The following PCLO variants were observed in gnomAD, a reference collection of about 807,000 sequenced individuals.
PCLO encodes piccolo presynaptic cytomatrix protein.
A neutral mutation model predicts 427.5 loss-of-function variants in PCLO; 82 were observed. The ratio of observed to expected loss-of-function variants is 0.19; its 90% CI spans 0.16 to 0.23. The LOEUF is 0.23. PCLO is among the 10% of genes least tolerant of loss of function. The pLI is 1.00. For synonymous variants in PCLO, 2,357 were observed against 2,155.4 expected, an observed-to-expected ratio of 1.09 and a Z score of -2.59; for missense variants, 6,239 against 6,115.9, an observed-to-expected ratio of 1.02 and a Z score of -0.67.
At chr7:82,824,532 T>A (rs1791886109) in intron 18 of PCLO, 116 bp from the exon 19 acceptor site, 2 of 549,202 alleles carry the variant, frequency 3.6e-6, no homozygotes, top group Middle Eastern at 4.9e-4. Flanking sequence ...ACAGTATAAC[T>A]TTTGAGGATG....
chr7:83,017,947 A>G (rs1260350065), intron 3 of PCLO: 1 of 152,000 alleles, frequency 6.6e-6, no homozygotes, highest in Non-Finnish European at 1.5e-5. Context: ...TTGGCACCTA[A>G]GCAGGTTTGG....
intron 22 of PCLO, among the ~76,000 whole-genome samples, chr7:82,776,315 G>T (rs1022077729): frequency 6.6e-6 from 1 of 152,068 alleles, no homozygotes; most frequent in African/African-American, 2.4e-5. Flanking sequence ...AAACTGGGCC[G>T]GGCGTGGTGG....
chr7:83,024,486 G>C (rs187193196), intron 3 of PCLO, among the ~76,000 whole-genome samples: 1 of 152,110 alleles, frequency 6.6e-6, no homozygotes, highest in Admixed American at 6.5e-5. Flanking sequence ...TTGCTAGCAC[G>C]GCAGTCTGAG....
At chr7:82,822,837 T>C in intron 19 of PCLO, 148 bp from the exon 20 acceptor site, 1 of 702,996 alleles carries the variant, frequency 1.4e-6, no homozygotes, top group Admixed American at 2.5e-5. Context: ...TCATACAGAA[T>C]GATGATTAAA....
chr7:83,093,492 A>ATATATATTTTTTTTTTTTTTTTTTTTT, intron 3 of PCLO, among the ~76,000 whole-genome samples: 6 of 59,310 alleles, frequency 1.0e-4, no homozygotes, highest in Admixed American at 2.9e-4. Context: ...ATATATATAT[A>ATATATATTTTTTTTTTTTTTTTTTTTT]TTTTTTTTTT....
intron 3 of PCLO, among the ~76,000 whole-genome samples, chr7:83,125,321 C>T (rs139034455): frequency 0.016 from 2,427 of 152,158 alleles, 58 homozygotes; most frequent in African/African-American, 0.053. Flanking sequence ...GGGGCACCCC[C>T]GCCCGGCAGC....
At position 82,965,917 on chromosome 7, in the gene PCLO, G is replaced by A. The variant is rs377432658; in HGVS notation, c.3871C>T (p.Pro1291Ser). Residue 1291 changes from proline to serine, a missense_variant, in exon 4 of 25, where the codon CCA becomes TCA. Pro to Ser is a moderately conservative substitution (Grantham distance 74). This residue lies in a region of PCLO where 4,677 missense variants were observed against 4,468.4 expected (regional missense o/e 1.05). Transcript: ENST00000333891. ...GGTAAACCTTCCATCTTGGTCTGTG[G>A]TTGTTTCCCTTCTTGCACTGTCTTT... ...APKTVQEGKQ[P>S]QTKMEGLPSG... is the part of the protein sequence containing the mutation. 98 of 1,613,766 alleles carry A rather than the reference G, an allele frequency of 6.1e-5. No individual in the cohort carries two copies. The highest frequency in any genetic ancestry group is 8.1e-5 in the Non-Finnish European group (95 of 1,179,868).
intron 3 of PCLO, among the ~76,000 whole-genome samples, chr7:83,013,742 G>T (rs1004227920): frequency 6.6e-6 from 1 of 152,168 alleles, no homozygotes; most frequent in Non-Finnish European, 1.5e-5. Flanking sequence ...TGCTTTCTTA[G>T]AGTCTTCTAA....
chr7:82,866,989 T>A (rs983534373), intron 10 of PCLO, among the ~76,000 whole-genome samples: 2 of 152,172 alleles, frequency 1.3e-5, no homozygotes, highest in African/African-American at 4.8e-5. Flanking sequence ...TTGGTTCTAA[T>A]GCAAGCAGAG....
chr7:83,114,414 G>A (rs1373224730), intron 3 of PCLO, among the ~76,000 whole-genome samples: 7 of 152,086 alleles, frequency 4.6e-5, no homozygotes, highest in Admixed American at 2.6e-4. Context: ...TTTGGTGAAC[G>A]TGCAGAGGAT....
intron 3 of PCLO, among the ~76,000 whole-genome samples, chr7:83,128,863 A>G (rs376478111): frequency 1.1e-4 from 17 of 152,168 alleles, no homozygotes; most frequent in African/African-American, 4.1e-4. Context: ...GGAAAAAACA[A>G]TTGCACAATG....
Position 82,956,620 on chromosome 7 carries a change from GTTCAGGAGAAAC to G in PCLO, c.4321_4332del (p.Val1441_Glu1444del). On this transcript the variant is annotated inframe_deletion, in exon 5 of 25. Coordinates refer to ENST00000333891, the MANE Select transcript of PCLO (RefSeq NM_033026.6). ...TGAGTTTTCTCTTGGTCTTTAGGCT[GTTCAGGAGAAAC>G]TTCATGGGGTTGTGTTTTCTTTTCT... The G allele has an allele frequency of 6.2e-7, 1 of 1,613,750 alleles. No homozygotes were observed. The highest frequency in any genetic ancestry group is 8.5e-7 in the Non-Finnish European group (1 of 1,179,822).
At chr7:83,082,486 C>T (rs1009110996) in intron 3 of PCLO, among the ~76,000 whole-genome samples, 15 of 151,428 alleles carry the variant, frequency 9.9e-5, no homozygotes, top group Non-Finnish European at 2.1e-4. Flanking sequence ...TATGGTTACA[C>T]GAGGCTAGGA....
At chr7:82,856,033 G>GAGCT (rs1276386038) in intron 10 of PCLO, among the ~76,000 whole-genome samples, 1 of 152,048 alleles carries the variant, frequency 6.6e-6, no homozygotes, top group East Asian at 1.9e-4. Flanking sequence ...ACAGTTAAGG[G>GAGCT]AGCTACTCAT....
At chr7:82,824,677 G>A (rs1791890465) in intron 18 of PCLO, among the ~76,000 whole-genome samples, 1 of 150,718 alleles carries the variant, frequency 6.6e-6, no homozygotes, top group African/African-American at 2.4e-5. Flanking sequence ...ATTTGGATAT[G>A]ATGTTAAAAG....
At chr7:83,107,454 C>T (rs1473179085) in intron 3 of PCLO, among the ~76,000 whole-genome samples, 1 of 149,658 alleles carries the variant, frequency 6.7e-6, no homozygotes, top group East Asian at 2.0e-4. Context: ...TTAAATATGA[C>T]TTAAGTTATA....
At chr7:82,795,630 T>C (rs1791207893) in intron 22 of PCLO, among the ~76,000 whole-genome samples, 1 of 152,178 alleles carries the variant, frequency 6.6e-6, no homozygotes, top group Non-Finnish European at 1.5e-5. Context: ...AAGTTGACTA[T>C]AAAACTCTGC....
intron 6 of PCLO, among the ~76,000 whole-genome samples, chr7:82,942,657 A>C (rs1795112220): frequency 1.3e-5 from 2 of 152,156 alleles, no homozygotes; most frequent in South Asian, 4.1e-4. Context: ...ATATCTTTCC[A>C]ATTACTAATG....
intron 3 of PCLO, among the ~76,000 whole-genome samples, chr7:82,970,086 T>G (rs374699564): frequency 6.6e-6 from 1 of 151,940 alleles, no homozygotes; most frequent in Non-Finnish European, 1.5e-5. Flanking sequence ...AGTTAAGAGA[T>G]GAGGCACAGC....
Sources: gnomAD v4.1 joint callset for allele counts (sites outside exome capture counted in the v4.1 genomes callset) on GRCh38, gnomAD v4.1.1 for gene constraint, gnomAD v4.1.1 regional missense constraint, MANE v1.5 for transcripts, NCBI Gene and HGNC (gene_info 2026-07-23, HGNC 2026-07-21) for gene names.